The following CXADR variants were observed in gnomAD, a reference collection of about 807,000 sequenced individuals.
CXADR encodes coxsackievirus and adenovirus receptor.
CXADR carries 20 observed loss-of-function variants against 40.3 expected under a neutral mutation model. That is an observed-to-expected ratio of 0.50 (90% confidence interval 0.35 to 0.72). The LOEUF (loss-of-function observed/expected upper bound fraction) is 0.72, where lower values mean the gene tolerates loss of function less well. CXADR is among the 30% of genes least tolerant of loss of function. The probability of loss-of-function intolerance (pLI) is 0.01; values close to 1 mark genes in which losing one functional copy is unlikely to be tolerated. For missense variants in CXADR, 332 were observed against 449.1 expected (o/e 0.74, Z 2.36); for synonymous variants, 150 against 161.3 (o/e 0.93, Z 0.53).
intron 1 of CXADR, 111 bp from the exon 2 acceptor site, chr21:17,546,916 C>G (rs2060904011): frequency 1.5e-6 from 2 of 1,320,140 alleles, no homozygotes; most frequent in South Asian, 2.8e-5. Context: ...GGGACCCAAA[C>G]CCCGTCCTGT....
chr21:17,630,224 T>C, the CXADR span, among the ~76,000 whole-genome samples: 1 of 152,300 alleles, frequency 6.6e-6, no homozygotes, highest in Non-Finnish European at 1.5e-5. Context: ...TAGAAAATTG[T>C]ATGAAGTGAA....
chr21:17,627,626 G>C, the CXADR span, among the ~76,000 whole-genome samples: 5 of 152,148 alleles, frequency 3.3e-5, no homozygotes, highest in Admixed American at 3.3e-4. Flanking sequence ...ATATTTAAAA[G>C]TAAATAAAAG....
intron 1 of CXADR, among the ~76,000 whole-genome samples, chr21:17,541,780 C>T (rs541957244): frequency 1.3e-5 from 2 of 152,086 alleles, no homozygotes; most frequent in African/African-American, 4.8e-5. Context: ...GTATGCAATA[C>T]TACAGAAGTA....
At chr21:17,534,241 T>C (rs1028775438) in intron 1 of CXADR, among the ~76,000 whole-genome samples, 1 of 150,392 alleles carries the variant, frequency 6.6e-6, no homozygotes, top group African/African-American at 2.4e-5. Flanking sequence ...GGACTACAGG[T>C]GCCTGCCACC....
the CXADR span, among the ~76,000 whole-genome samples, chr21:17,614,538 T>C: frequency 2.0e-5 from 3 of 151,790 alleles, no homozygotes; most frequent in African/African-American, 4.8e-5. Flanking sequence ...ACTCCAGGAG[T>C]TCAAGACCAA....
At chr21:17,553,788 AT>A in intron 3 of CXADR, among the ~76,000 whole-genome samples, 1 of 151,844 alleles carries the variant, frequency 6.6e-6, no homozygotes, top group East Asian at 2.0e-4. Context: ...CACCTGGCTG[AT>A]TTTATTTTTG....
intron 7 of CXADR, among the ~76,000 whole-genome samples, chr21:17,583,394 A>G (rs1035688405): frequency 1.3e-5 from 2 of 152,248 alleles, no homozygotes; most frequent in African/African-American, 4.8e-5. Flanking sequence ...GCTGTTTTAA[A>G]TGTTAAAATA....
At chr21:17,539,027 G>T (rs78272147) in intron 1 of CXADR, among the ~76,000 whole-genome samples, 1 of 151,800 alleles carries the variant, frequency 6.6e-6, no homozygotes, top group African/African-American at 2.4e-5. Context: ...ATGAGTGAAC[G>T]TTGATACCCT....
intron 1 of CXADR, among the ~76,000 whole-genome samples, chr21:17,520,267 A>G (rs1013726128): frequency 1.3e-5 from 2 of 152,176 alleles, no homozygotes; most frequent in African/African-American, 2.4e-5. Context: ...TTCCAGTCAG[A>G]TGGTACAGCT....
At chr21:17,607,863 A>T in the CXADR span, among the ~76,000 whole-genome samples, 1 of 152,262 alleles carries the variant, frequency 6.6e-6, no homozygotes, top group Non-Finnish European at 1.5e-5. Flanking sequence ...GTTCCTGAGC[A>T]GTCACATAAA....
chr21:17,634,246 A>G, the CXADR span, among the ~76,000 whole-genome samples: 2 of 152,188 alleles, frequency 1.3e-5, no homozygotes, highest in Non-Finnish European at 2.9e-5. Context: ...GTGAAGTCCT[A>G]TATGGGGGGG....
chr21:17,590,791 C>G (rs1349380831), intron 7 of CXADR, among the ~76,000 whole-genome samples: 1 of 151,978 alleles, frequency 6.6e-6, no homozygotes, highest in Non-Finnish European at 1.5e-5. Context: ...AATTACTACT[C>G]ATTATGTGTG....
At chr21:17,520,686 C>T (rs2060520003) in intron 1 of CXADR, among the ~76,000 whole-genome samples, 2 of 152,154 alleles carry the variant, frequency 1.3e-5, no homozygotes, top group Admixed American at 6.6e-5. Flanking sequence ...ATGATCTGGA[C>T]GTAAGCAGTC....
At chr21:17,513,862 A>G (rs2060424571) in intron 1 of CXADR, among the ~76,000 whole-genome samples, 1 of 152,218 alleles carries the variant, frequency 6.6e-6, no homozygotes, top group Non-Finnish European at 1.5e-5. Flanking sequence ...CGAAGTGCAA[A>G]GGAGAATTCA....
At chr21:17,549,141 G>A (rs1376144788) in intron 2 of CXADR, among the ~76,000 whole-genome samples, 2 of 152,168 alleles carry the variant, frequency 1.3e-5, no homozygotes, top group East Asian at 3.9e-4. Context: ...TACTTTAATT[G>A]TATATACTTA....
chr21:17,604,648 G>A, the CXADR span, among the ~76,000 whole-genome samples: 3 of 152,114 alleles, frequency 2.0e-5, no homozygotes, highest in Non-Finnish European at 4.4e-5. Flanking sequence ...GAAAACCCCC[G>A]CCTAATCAGT....
chr21:17,561,239 A>AAC lies in CXADR; in HGVS notation c.695-96_695-95dup, dbSNP rs200024200. 8.4e-5 allele frequency: 45 copies of AAC among 538,572 alleles called. No homozygotes were observed. In the East Asian group the frequency reaches 1.3e-3, roughly 16 times the overall value. The allele number at this position is 538,572 out of a possible 1,614,324, so 33.4% of individuals were successfully genotyped here. On this transcript the variant is annotated intron_variant, in intron 5 of 6. Coordinates refer to ENST00000284878, the MANE Select transcript of CXADR (RefSeq NM_001338.5). ...AGACTAAATAATTTGTCTTAAAGTT[A>AAC]ACACGTGATGAAATCAATCTAAAAA...
downstream of CXADR, among the ~76,000 whole-genome samples, chr21:17,573,351 C>A (rs1235292081): frequency 6.6e-6 from 1 of 152,060 alleles, no homozygotes; most frequent in African/African-American, 2.4e-5. Context: ...GATGGGGACA[C>A]CTCAACCCGT....
chr21:17,626,532 A>T, the CXADR span, among the ~76,000 whole-genome samples: 1 of 152,144 alleles, frequency 6.6e-6, no homozygotes, highest in Non-Finnish European at 1.5e-5. Flanking sequence ...TTTTTTTAGC[A>T]AGTTTCTCAG....
Sources: gnomAD v4.1 joint callset for allele counts (sites outside exome capture counted in the v4.1 genomes callset) on GRCh38, gnomAD v4.1.1 for gene constraint, MANE v1.5 for transcripts, NCBI Gene and HGNC (gene_info 2026-07-23, HGNC 2026-07-21) for gene names.